The following EYS variants were observed in gnomAD, a reference collection of about 807,000 sequenced individuals.
EYS encodes EGF-like photoreceptor maintenance factor.
A neutral mutation model predicts 282.1 loss-of-function variants in EYS; 250 were observed. That is an observed-to-expected ratio of 0.89 (90% CI 0.80 to 0.98). The LOEUF (loss-of-function observed/expected upper bound fraction) is 0.98. Among genes scored for constraint, EYS ranks in the 50% least tolerant of loss-of-function variants. EYS has a pLI of 0.00. For missense variants in EYS, 4,016 were observed against 3,709.0 expected (o/e 1.08, Z -2.15); for synonymous variants, 1,355 against 1,282.9 (o/e 1.06, Z -1.20).
intron 19 of EYS, among the ~76,000 whole-genome samples, chr6:64,873,461 T>C (rs1766655375): frequency 6.6e-6 from 1 of 152,004 alleles, no homozygotes; most frequent in Non-Finnish European, 1.5e-5. Context: ...GGGAGACACT[T>C]TTATGTGAAA....
chr6:63,864,186 C>A lies in EYS; in HGVS notation c.7228G>T (p.Ala2410Ser), dbSNP rs915505702. The A allele has an allele frequency of 6.1e-6, 9 of 1,480,280 alleles. No homozygotes were observed. Among genetic ancestry groups the A allele is most frequent in the Non-Finnish European group, 8.1e-6 (9 of 1,110,488 alleles). The allele number at this position is 1,480,280 out of a possible 1,614,324, so 91.7% of individuals were successfully genotyped here. ...YGRSGPLCTD[A>S]INITQPRFSG... ...ATGTTTAATAATCAAATGCTCTTAC[C>A]ATCAGTGCAGAGGGGTCCAGACCTC... The change falls in exon 36 of 43, where the codon GCT becomes TCT. Residue 2410 changes from alanine to serine, a missense_variant and splice_region_variant. Physicochemically the swap from Ala to Ser is moderately conservative, Grantham distance 99. Coordinates refer to ENST00000503581, the MANE Select transcript of EYS (RefSeq NM_001142800.2).
At chr6:63,867,089 A>G (rs1772688172) in intron 35 of EYS, among the ~76,000 whole-genome samples, 1 of 152,134 alleles carries the variant, frequency 6.6e-6, no homozygotes, top group African/African-American at 2.4e-5. Context: ...GTCTCTCTAC[A>G]TCTTGTAGCA....
chr6:64,263,530 G>A (rs1030122220), intron 30 of EYS, among the ~76,000 whole-genome samples: 2 of 152,034 alleles, frequency 1.3e-5, no homozygotes, highest in African/African-American at 4.8e-5. Context: ...CTACATTTTA[G>A]AGGTGCTCTT....
intron 14 of EYS, among the ~76,000 whole-genome samples, chr6:64,985,592 A>G (rs545344256): frequency 6.6e-6 from 1 of 151,658 alleles, no homozygotes; most frequent in East Asian, 1.9e-4. Flanking sequence ...CAAAAAGATA[A>G]GAATAACAGT....
chr6:64,450,354 A>G (rs1313834466), intron 26 of EYS, among the ~76,000 whole-genome samples: 1 of 152,198 alleles, frequency 6.6e-6, no homozygotes, highest in African/African-American at 2.4e-5. Flanking sequence ...CCAGATTCGT[A>G]AAGCAAGTCC....
chr6:65,319,398 A>C (rs1206812462), intron 11 of EYS, among the ~76,000 whole-genome samples: 1 of 150,968 alleles, frequency 6.6e-6, no homozygotes, highest in African/African-American at 2.4e-5. Flanking sequence ...TAATATATAT[A>C]TATATTTTTA....
At chr6:65,535,708 G>A (rs1277642171) in intron 2 of EYS, among the ~76,000 whole-genome samples, 3 of 152,128 alleles carry the variant, frequency 2.0e-5, no homozygotes, top group Non-Finnish European at 4.4e-5. Context: ...ACTCAGCGAT[G>A]TCAAACTTTT....
At chr6:64,099,343 A>G (rs956789331) in intron 31 of EYS, among the ~76,000 whole-genome samples, 2 of 152,254 alleles carry the variant, frequency 1.3e-5, no homozygotes, top group Non-Finnish European at 2.9e-5. Flanking sequence ...TATGAAACCA[A>G]ATAAATAATG....
chr6:63,988,619 G>T (rs991547832), intron 34 of EYS, among the ~76,000 whole-genome samples: 2 of 151,580 alleles, frequency 1.3e-5, no homozygotes, highest in African/African-American at 4.8e-5. Context: ...TATTCCTAAG[G>T]AGACAGGTCT....
At chr6:65,575,013 G>A (rs1295351547) in intron 2 of EYS, among the ~76,000 whole-genome samples, 1 of 152,032 alleles carries the variant, frequency 6.6e-6, no homozygotes, top group East Asian at 1.9e-4. Flanking sequence ...ATGGTCCTAA[G>A]CAACAAACAG....
chr6:65,145,628 A>G (rs1002584960), intron 12 of EYS, among the ~76,000 whole-genome samples: 9 of 152,050 alleles, frequency 5.9e-5, no homozygotes, highest in Non-Finnish European at 1.0e-4. Context: ...CAATGTCATC[A>G]AACAGCTAGA....
In EYS at chr6:65,564,729, C is replaced by A. The variant is rs142417302; in HGVS notation, c.-332-68736G>T. Among the ~76,000 whole-genome samples the A allele has an allele frequency of 1.4e-3, 205 of 151,646 alleles. 1 individual carries two copies. Among genetic ancestry groups the A allele is most frequent in the African/African-American group, 4.7e-3 (192 of 41,178 alleles). ...ATAGGGATGGGCAAAGACTTCACGACTTTTAAAACACCAAAAGCAATGGCA... is the reference window on the plus strand; with the variant it reads ...ATAGGGATGGGCAAAGACTTCACGAATTTTAAAACACCAAAAGCAATGGCA... On this transcript the variant is annotated intron_variant, in intron 2 of 42. Transcript: ENST00000503581.
chr6:64,245,316 G>GTGTTT (rs70999138), intron 30 of EYS, among the ~76,000 whole-genome samples: 45,248 of 150,644 alleles, frequency 0.3, 6,823 homozygotes, highest in East Asian at 0.5. Flanking sequence ...TTTTTTGTGG[G>GTGTTT]TGTTTTGTTT....
At chr6:63,914,798 C>A (rs1159666442) in intron 35 of EYS, among the ~76,000 whole-genome samples, 1 of 151,652 alleles carries the variant, frequency 6.6e-6, no homozygotes, top group Non-Finnish European at 1.5e-5. Context: ...ACAAACCAGA[C>A]AACATTCCTT....
chr6:65,421,871 A>G (rs1767475261), intron 5 of EYS, among the ~76,000 whole-genome samples: 1 of 151,958 alleles, frequency 6.6e-6, no homozygotes, highest in African/African-American at 2.4e-5. Context: ...TTTCCGTATT[A>G]TATCGATGCA....
At chr6:64,381,916 T>C (rs984291487) in intron 29 of EYS, among the ~76,000 whole-genome samples, 2 of 152,218 alleles carry the variant, frequency 1.3e-5, no homozygotes, top group African/African-American at 2.4e-5. Flanking sequence ...GTTCCTTTAC[T>C]CATCATCATG....
At chr6:64,746,505 A>T (rs1328294287) in intron 22 of EYS, among the ~76,000 whole-genome samples, 1 of 152,224 alleles carries the variant, frequency 6.6e-6, no homozygotes, top group Non-Finnish European at 1.5e-5. Context: ...AGCGTCATAA[A>T]TAGACTAAGG....
chr6:65,541,489 C>CA (rs1582433913), intron 2 of EYS, among the ~76,000 whole-genome samples: 3 of 152,106 alleles, frequency 2.0e-5, no homozygotes, highest in African/African-American at 7.2e-5. Flanking sequence ...TCTTGTGTTT[C>CA]AAAATCACAA....
intron 28 of EYS, among the ~76,000 whole-genome samples, chr6:64,404,384 T>A (rs1582709551): frequency 6.2e-5 from 3 of 48,090 alleles, no homozygotes; most frequent in South Asian, 9.6e-4. Context: ...TGTGAGAGTG[T>A]GTGTGTGTGT....
Sources: allele counts gnomAD v4.1 joint callset (sites outside exome capture counted in the v4.1 genomes callset), GRCh38; gene constraint gnomAD v4.1.1; transcripts MANE v1.5; gene names NCBI Gene and HGNC (gene_info 2026-07-23, HGNC 2026-07-21).